TOGARAM1: variants seen among roughly 807,000 people sequenced by gnomAD.
The protein encoded by TOGARAM1 is TOG array regulator of axonemal microtubules protein 1.
Under a neutral mutation model 166.6 loss-of-function variants are expected in TOGARAM1, and 100 were observed. That is an observed-to-expected ratio of 0.60 (90% CI 0.51 to 0.71). TOGARAM1 has a LOEUF of 0.71. TOGARAM1 is among the 30% of genes least tolerant of loss of function. The pLI is 0.00. For missense variants in TOGARAM1, 2,029 were observed against 2,102.7 expected, an observed-to-expected ratio of 0.96 and a Z score of 0.69; for synonymous variants, 758 against 763.8, an observed-to-expected ratio of 0.99 and a Z score of 0.13.
intron 1 of TOGARAM1, among the ~76,000 whole-genome samples, chr14:44,965,169 A>G (rs1885460755): frequency 6.6e-6 from 1 of 152,192 alleles, no homozygotes; most frequent in Non-Finnish European, 1.5e-5. Flanking sequence ...AATTGTGGAT[A>G]TCTTGAGATT....
At chr14:44,969,325 G>C (rs375389038) in intron 1 of TOGARAM1, among the ~76,000 whole-genome samples, 2 of 151,818 alleles carry the variant, frequency 1.3e-5, no homozygotes, top group African/African-American at 4.8e-5. Flanking sequence ...CTAATTTTTT[G>C]TATTTTTAGT....
rs758524553 is a variant in TOGARAM1 at position 45,012,070 on chromosome 14, GT to G, written c.3234del (p.Ser1078ArgfsTer27). On this transcript the variant is annotated frameshift_variant, in exon 7 of 20. Coordinates refer to ENST00000361462, the MANE Select transcript of TOGARAM1 (RefSeq NM_001308120.2). LOFTEE classifies it high-confidence loss of function. ...TCTCATATTGCTGAACAAAGCCCCA[GT>G]GCAGGTATTCTATGTCTGTTTATAA... ...KISHIAEQSP[S>X]AGSSSNPQQI... The G allele has an allele frequency of 6.4e-7, 1 of 1,574,778 alleles. No individual in the cohort carries two copies. Among genetic ancestry groups the G allele is most frequent in the East Asian group, 2.3e-5 (1 of 44,424 alleles).
chr14:45,045,705 GTA>G (rs1383971403), intron 13 of TOGARAM1, among the ~76,000 whole-genome samples: 1 of 103,964 alleles, frequency 9.6e-6, no homozygotes, highest in Non-Finnish European at 1.8e-5. Context: ...ATATATATGT[GTA>G]TATATATACA....
At chr14:45,035,353 TGTCTCAA>T (rs1166568077) in intron 11 of TOGARAM1, among the ~76,000 whole-genome samples, 1 of 151,138 alleles carries the variant, frequency 6.6e-6, no homozygotes, top group Non-Finnish European at 1.5e-5. Flanking sequence ...GGTGAGACTC[TGTCTCAA>T]GTAAAAAAAA....
Position 45,012,001 on chromosome 14 carries a change from C to T in TOGARAM1, c.3164C>T (p.Ser1055Leu), listed in dbSNP as rs1010037008. ...TCAGACATATTTCCAACATTTGGGT[C>T]AAAACCTTGTCCAACAAGACTTTCT... ...IMSDIFPTFG[S>L]KPCPTRLSSA... Residue 1055 changes from serine to leucine, a missense_variant, in exon 7 of 20, where the codon TCA becomes TTA. Ser to Leu is a moderately radical substitution (Grantham distance 145, BLOSUM62 -2). Coordinates refer to ENST00000361462, the MANE Select transcript of TOGARAM1 (RefSeq NM_001308120.2). The T allele has an allele frequency of 3.1e-6, 5 of 1,609,772 alleles. 1 individual carries two copies. The highest frequency in any genetic ancestry group is 4.2e-6 in the Non-Finnish European group (5 of 1,178,566).
intron 16 of TOGARAM1, among the ~76,000 whole-genome samples, chr14:45,064,157 C>A (rs1295101139): frequency 6.6e-6 from 1 of 152,058 alleles, no homozygotes; most frequent in Non-Finnish European, 1.5e-5. Flanking sequence ...AGTTGTTCTC[C>A]CTTATTGTAG....
At chr14:45,063,743 G>A (rs1319924150) in intron 16 of TOGARAM1, among the ~76,000 whole-genome samples, 1 of 152,110 alleles carries the variant, frequency 6.6e-6, no homozygotes, top group Non-Finnish European at 1.5e-5. Flanking sequence ...CTCCCAAAGT[G>A]CTGGGATTAC....
intron 16 of TOGARAM1, among the ~76,000 whole-genome samples, chr14:45,063,266 CAT>C (rs1471844614): frequency 6.6e-6 from 1 of 152,032 alleles, no homozygotes; most frequent in African/African-American, 2.4e-5. Context: ...TTGTTGTGGA[CAT>C]ATGTTTTCAG....
chr14:45,013,277 T>C (rs1235713508), intron 7 of TOGARAM1, among the ~76,000 whole-genome samples: 1 of 152,348 alleles, frequency 6.6e-6, no homozygotes, highest in East Asian at 1.9e-4. Flanking sequence ...TCTTTTGTTA[T>C]ACCATTACAT....
chr14:44,962,854 G>A lies in TOGARAM1; in HGVS notation c.433G>A (p.Val145Met), dbSNP rs1223838756. The A allele has an allele frequency of 6.2e-7, 1 of 1,613,586 alleles. No individual in the cohort carries two copies. The highest frequency in any genetic ancestry group is 8.5e-7 in the Non-Finnish European group (1 of 1,180,044). Residue 145 changes from valine (V) to methionine (M), a missense_variant, in exon 1 of 20, where the codon GTG becomes ATG. Coordinates refer to ENST00000361462, the MANE Select transcript of TOGARAM1 (RefSeq NM_001308120.2). ...GTATCGGGCACTGGGCCGAGTGCTT[G>A]TGGAAGGAGGTAGTGATGAGAAGCG... Reference protein sequence around the residue: ...ALYRALGRVLVEGGSDEKRLC... With the variant: ...ALYRALGRVLMEGGSDEKRLC...
chr14:44,981,392 G>A (rs1886524230), intron 1 of TOGARAM1, among the ~76,000 whole-genome samples: 1 of 152,110 alleles, frequency 6.6e-6, no homozygotes, highest in African/African-American at 2.4e-5. Context: ...AAAGCAAAGA[G>A]AAGTGTGCCC....
At chr14:45,000,517 T>C (rs1033364682) in intron 3 of TOGARAM1, among the ~76,000 whole-genome samples, 1 of 152,224 alleles carries the variant, frequency 6.6e-6, no homozygotes, top group South Asian at 2.1e-4. Flanking sequence ...ATCTAGGTTA[T>C]TGCAAATGAC....
chr14:45,007,273 G>T (rs1879505660), intron 5 of TOGARAM1: 1 of 149,294 alleles, frequency 6.7e-6, no homozygotes, highest in East Asian at 1.9e-4. Flanking sequence ...ACCAAAGTTG[G>T]TTGTTAATGA....
intron 1 of TOGARAM1, among the ~76,000 whole-genome samples, chr14:44,992,311 T>C (rs1346239063): frequency 6.6e-6 from 1 of 152,026 alleles, no homozygotes; most frequent in Non-Finnish European, 1.5e-5. Context: ...TTAATGGGAA[T>C]AAACTTGTTT....
chr14:44,974,116 A>G (rs1736850423), intron 1 of TOGARAM1, among the ~76,000 whole-genome samples: 1 of 151,464 alleles, frequency 6.6e-6, no homozygotes, highest in South Asian at 2.1e-4. Context: ...ATTCTTTTCT[A>G]TATTCTCTTC....
rs8003388 is a variant in TOGARAM1, at chr14:45,046,505, A to G, written c.4155-40A>G. 9.5e-3 allele frequency: 11,933 copies of G among 1,261,798 alleles called. 871 individuals are homozygous for G. The African/African-American group carries it at 0.16, about 17-fold the overall frequency. 78.2% of individuals were successfully genotyped at this position (1,261,798 alleles called of 1,614,324 possible). On this transcript the variant is annotated intron_variant, in intron 13 of 19. Coordinates refer to ENST00000361462, the MANE Select transcript of TOGARAM1 (RefSeq NM_001308120.2). ...TCCATAGATCTTTGGAGAATAGTTTATATAACAACTCTGTTTTAATTGATC... is the reference window on the plus strand; with the variant it reads ...TCCATAGATCTTTGGAGAATAGTTTGTATAACAACTCTGTTTTAATTGATC...
intron 1 of TOGARAM1, among the ~76,000 whole-genome samples, chr14:44,977,430 G>A (rs957549034): frequency 6.6e-6 from 1 of 151,238 alleles, no homozygotes; most frequent in Non-Finnish European, 1.5e-5. Flanking sequence ...TAAAGACGGG[G>A]TTTCACCGTG....
intron 1 of TOGARAM1, among the ~76,000 whole-genome samples, chr14:44,969,640 G>C (rs899584840): frequency 9.2e-5 from 14 of 152,034 alleles, no homozygotes; most frequent in African/African-American, 3.4e-4. Context: ...GGTCATCTAG[G>C]TTTTCTCCTA....
intron 16 of TOGARAM1, among the ~76,000 whole-genome samples, chr14:45,060,378 G>A (rs554926466): frequency 2.0e-5 from 3 of 151,998 alleles, no homozygotes; most frequent in East Asian, 3.9e-4. Context: ...ACCACACCCC[G>A]CTAATTTTTG....
Sources: gnomAD v4.1 joint callset for allele counts (sites outside exome capture counted in the v4.1 genomes callset) on GRCh38, gnomAD v4.1.1 for gene constraint, MANE v1.5 for transcripts, NCBI Gene and HGNC (gene_info 2026-07-23, HGNC 2026-07-21) for gene names.